NSL1: variants seen among roughly 807,000 people sequenced by gnomAD.
The protein encoded by NSL1 is kinetochore-associated protein NSL1 homolog.
Under a neutral mutation model 25.4 loss-of-function variants are expected in NSL1, and 11 were observed. The observed-to-expected ratio is 0.43, with a 90% CI of 0.27 to 0.72. The LOEUF is 0.72. Ranked by LOEUF, NSL1 falls within the 30% of genes least tolerant of loss-of-function variation. The probability of loss-of-function intolerance (pLI) is 0.19; values close to 1 mark genes in which losing one functional copy is unlikely to be tolerated. For synonymous variants in NSL1, 118 were observed against 120.6 expected (o/e 0.98, Z 0.14); for missense variants, 330 against 342.7 (o/e 0.96, Z 0.29).
chr1:212,784,101 C>T (rs143755099), intron 3 of NSL1: 1 of 211,186 alleles, frequency 4.7e-6, no homozygotes, highest in African/African-American at 2.3e-5. Context: ...AGTCTTCCAT[C>T]ACCAATTTCA....
chr1:212,767,840 T>C (rs753559346), intron 4 of NSL1, among the ~76,000 whole-genome samples: 8 of 152,078 alleles, frequency 5.3e-5, no homozygotes, highest in African/African-American at 7.2e-5. Flanking sequence ...TCACTAATCA[T>C]CAGAGAAATG....
chr1:212,750,952 T>A (rs200988326), intron 4 of NSL1, among the ~76,000 whole-genome samples: 6 of 151,802 alleles, frequency 4.0e-5, no homozygotes, highest in African/African-American at 9.7e-5. Context: ...CGAAAAAAAA[T>A]AATAATAAAG....
intron 4 of NSL1, among the ~76,000 whole-genome samples, chr1:212,763,428 C>T (rs1659663289): frequency 6.6e-6 from 1 of 151,806 alleles, no homozygotes; most frequent in South Asian, 2.1e-4. Context: ...TAGAACAGTA[C>T]CTAACATTTC....
At chr1:212,762,426 T>C (rs1459781927) in intron 4 of NSL1, among the ~76,000 whole-genome samples, 1 of 152,216 alleles carries the variant, frequency 6.6e-6, no homozygotes, top group Admixed American at 6.5e-5. Context: ...TTAGATCTTT[T>C]ATTTATTTAC....
chr1:212,751,358 G>C (rs1361391242), intron 4 of NSL1, among the ~76,000 whole-genome samples: 1 of 152,084 alleles, frequency 6.6e-6, no homozygotes, highest in African/African-American at 2.4e-5. Flanking sequence ...TCCTTTTGTA[G>C]GTAAAGAAAC....
In NSL1 at chr1:212,782,528, T is replaced by C. The variant is rs1191802760; in HGVS notation, c.445-102A>G. ...ATATACTATAGAGTCAGTACCATTC[T>C]TTTGAGGAAAAAAAATTAAATCCTA... On this transcript the variant is annotated intron_variant, in intron 3 of 5. Transcript: ENST00000366977. The C allele has an allele frequency of 1.4e-5, 12 of 870,042 alleles. No individual in the cohort carries two copies. The African/African-American group carries it at 1.9e-4, about 14-fold the overall frequency. The allele number at this position is 870,042 out of a possible 1,614,324, so 53.9% of individuals were successfully genotyped here. A position where few individuals can be genotyped will look rare whatever the true frequency, so the allele number is the denominator to read the frequency against.
chr1:212,740,708 T>C (rs755981929), intron 4 of NSL1, among the ~76,000 whole-genome samples: 40 of 152,310 alleles, frequency 2.6e-4, no homozygotes, highest in South Asian at 1.0e-3. Flanking sequence ...ATTTTCTCCA[T>C]AAGAAGCAAC....
Position 212,739,524 on chromosome 1 carries a change from T to C in NSL1, c.567+10A>G, listed in dbSNP as rs936328808. On this transcript the variant is annotated intron_variant, in intron 5 of 5. Coordinates refer to ENST00000366977, the MANE Select transcript of NSL1 (RefSeq NM_015471.4). ...TTCATTTGATAATTTTTTTAGCACA[T>C]AGCTTTTACCTTCATGGCTTCACTG... 11 of 1,612,474 alleles carry C rather than the reference T, an allele frequency of 6.8e-6. No homozygotes were observed. The highest frequency in any genetic ancestry group is 2.2e-5 in the East Asian group (1 of 44,802).
rs992079260 is a variant in NSL1, at chr1:212,739,463, T to G, written c.567+71A>C. On this transcript the variant is annotated intron_variant, in intron 5 of 5. Transcript: ENST00000366977. ...CTGTTAGAGCAGACTAAAACACATA[T>G]GAATGTTGAATGCAAATACCTAGCC... is the stretch of plus-strand genomic sequence containing the variant. 4 of 1,401,090 alleles carry G rather than the reference T, an allele frequency of 2.9e-6. No homozygotes were observed. The African/African-American group carries it at 5.7e-5, about 20-fold the overall frequency. 86.8% of individuals were successfully genotyped at this position (1,401,090 alleles called of 1,614,324 possible).
Position 212,726,742 on chromosome 1 carries a change from G to C in NSL1, c.*11666C>G, listed in dbSNP as rs1657805801. The C allele has an allele frequency of 1.2e-5, 2 of 173,540 alleles. No individual in the cohort carries two copies. The highest frequency in any genetic ancestry group is 4.7e-5 in the African/African-American group (2 of 42,302). The allele number at this position is 173,540 out of a possible 1,614,324, so 10.8% of individuals were successfully genotyped here. On this transcript the variant is annotated 3_prime_UTR_variant, in exon 6 of 6. Coordinates refer to ENST00000366977, the MANE Select transcript of NSL1 (RefSeq NM_015471.4). ...AGCCACTCTGCAGTCCTCAAATGCA[G>C]AGTGATTGGGTCACTCTCCATGGTG...
At chr1:212,740,945 T>A (rs1177340296) in intron 4 of NSL1, among the ~76,000 whole-genome samples, 1 of 152,168 alleles carries the variant, frequency 6.6e-6, no homozygotes, top group East Asian at 1.9e-4. Flanking sequence ...AATGAAAATA[T>A]CTGTAGCTTT....
Position 212,727,162 on chromosome 1 carries a change from G to A in NSL1, c.*11246C>T. 6.4e-7 allele frequency: 1 copy of A among 1,573,682 alleles called. No homozygotes were observed. The highest frequency in any genetic ancestry group is 1.4e-5 in the African/African-American group (1 of 73,242). On this transcript the variant is annotated 3_prime_UTR_variant, in exon 6 of 6. Coordinates refer to ENST00000366977, the MANE Select transcript of NSL1 (RefSeq NM_015471.4). ...CTCTCCTAAACTGCCCCTAGAGCTA[G>A]TCCACCAGGCTTGGCTCCTAATGTG...
In NSL1 at chr1:212,791,727, G is replaced by C. The variant is rs1661295930; in HGVS notation, c.37C>G (p.Pro13Ala). The change falls in exon 1 of 6, where the codon CCA becomes GCA. Residue 13 changes from proline (P) to alanine (A), a missense_variant. Coordinates refer to ENST00000366977, the MANE Select transcript of NSL1 (RefSeq NM_015471.4). ...GSPELVVLDPPWDKELAAGTE... is the reference protein window; with the variant it reads ...GSPELVVLDPAWDKELAAGTE... ...CCAGCCGCGAGCTCCTTGTCCCATGGAGGGTCAAGGACCACCAACTCAGGA... is the reference window on the plus strand; with the variant it reads ...CCAGCCGCGAGCTCCTTGTCCCATGCAGGGTCAAGGACCACCAACTCAGGA... 1 of 1,613,526 alleles carries C rather than the reference G, an allele frequency of 6.2e-7. No homozygotes were observed. The highest frequency in any genetic ancestry group is 1.7e-5 in the Admixed American group (1 of 59,968).
chr1:212,781,972 G>T lies in NSL1; in HGVS notation c.499+400C>A, dbSNP rs2102401373. ...TTCAATATATTTTTATTTGATTTTA[G>T]AAATAATGAGAAACCAATGATGGTT... On this transcript the variant is annotated intron_variant, in intron 4 of 5. Transcript: ENST00000366977. The T allele has an allele frequency of 4.3e-6, 2 of 460,650 alleles. 1 individual carries two copies. 28.5% of individuals were successfully genotyped at this position (460,650 alleles called of 1,614,324 possible). A position where few individuals can be genotyped will look rare whatever the true frequency, so the allele number is the denominator to read the frequency against.
rs59259608 is a variant in NSL1, at chr1:212,754,769, C to CAAAAAAAAA, written c.500-15177_500-15169dup. ...GGGCAACAAGAGTAAAATTCTGTCTCAAAAAAAAAAAAAAAACCAACTCAA... is the reference window on the plus strand; with the variant it reads ...GGGCAACAAGAGTAAAATTCTGTCTCAAAAAAAAAAAAAAAAAAAAAAAAACCAACTCAA... On this transcript the variant is annotated intron_variant, in intron 4 of 5. Transcript: ENST00000366977. 1.8e-3 allele frequency among the ~76,000 whole-genome samples: 130 copies of CAAAAAAAAA among 71,210 alleles called. 10 individuals are homozygous for CAAAAAAAAA. The highest frequency in any genetic ancestry group is 2.3e-3 in the African/African-American group (38 of 16,388). 46.7% of individuals were successfully genotyped at this position (71,210 alleles called of 152,430 possible).
Position 212,737,959 on chromosome 1 carries a change from CT to C in NSL1, c.*448del, listed in dbSNP as rs911693808. 1.0e-5 allele frequency: 10 copies of C among 985,586 alleles called. No homozygotes were observed. In the African/African-American group the frequency reaches 1.6e-4, roughly 16 times the overall value. 61.1% of individuals were successfully genotyped at this position (985,586 alleles called of 1,614,324 possible). On this transcript the variant is annotated 3_prime_UTR_variant, in exon 6 of 6. Transcript: ENST00000366977. The stretch of plus-strand genomic sequence containing the variant: ...TCTTTAAAAAAAAACCCTGCATCTG[CT>C]GCTGTGCAGAACTGATAATTACTTT...
chr1:212,751,486 A>G (rs1025160844), intron 4 of NSL1, among the ~76,000 whole-genome samples: 4 of 152,232 alleles, frequency 2.6e-5, no homozygotes, highest in African/African-American at 9.6e-5. Context: ...CAGGAATTAT[A>G]CTGTCCTCAT....
intron 3 of NSL1, among the ~76,000 whole-genome samples, chr1:212,782,687 C>G (rs1660778649): frequency 1.3e-5 from 2 of 152,074 alleles, no homozygotes; most frequent in African/African-American, 2.4e-5. Context: ...AGCAATCAAG[C>G]AAATTAAAAG....
rs1288942264 is a variant in NSL1, at chr1:212,791,522, T to A, written c.234+8A>T. 6.2e-7 allele frequency: 1 copy of A among 1,611,278 alleles called. No homozygotes were observed. Among genetic ancestry groups the A allele is most frequent in the Non-Finnish European group, 8.5e-7 (1 of 1,178,270 alleles). ...GATGAGTAAAGAACTGGCTAACTGG[T>A]CCCGTACCCACTGCGCATCTCGCAG... On this transcript the variant is annotated splice_region_variant and intron_variant, in intron 1 of 5. Transcript: ENST00000366977.
Sources: allele counts gnomAD v4.1 joint callset (sites outside exome capture counted in the v4.1 genomes callset), GRCh38; gene constraint gnomAD v4.1.1; transcripts MANE v1.5; gene names NCBI Gene and HGNC (gene_info 2026-07-23, HGNC 2026-07-21).